The following METTL24 variants were observed in gnomAD, a reference collection of about 807,000 sequenced individuals.
The protein encoded by METTL24 is methyltransferase like 24.
A neutral mutation model predicts 32.7 loss-of-function variants in METTL24; 29 were observed. The observed-to-expected ratio is 0.89, with a 90% CI of 0.66 to 1.21. The LOEUF is 1.21. Among genes scored for constraint, METTL24 ranks in the 50% most tolerant of loss-of-function variants. METTL24 has a pLI of 0.00. For synonymous variants in METTL24, 163 were observed against 179.5 expected, an observed-to-expected ratio of 0.91 and a Z score of 0.73; for missense variants, 439 against 468.1, an observed-to-expected ratio of 0.94 and a Z score of 0.57.
chr6:110,301,879 TC>T (rs1454420298), intron 3 of METTL24, among the ~76,000 whole-genome samples: 1 of 152,168 alleles, frequency 6.6e-6, no homozygotes, highest in African/African-American at 2.4e-5. Context: ...AACTCACCTA[TC>T]CAAAAGGAAT....
intron 4 of METTL24, among the ~76,000 whole-genome samples, chr6:110,295,826 G>GAAGGAAGGAAGGAAGC (rs1369963581): frequency 2.1e-4 from 32 of 151,906 alleles, no homozygotes; most frequent in African/African-American, 6.5e-4. Flanking sequence ...AGGAAGGAAG[G>GAAGGAAGGAAGGAAGC]AAGGAAGGAA....
At chr6:110,265,955 T>C (rs1006979124) in intron 4 of METTL24, among the ~76,000 whole-genome samples, 1 of 151,874 alleles carries the variant, frequency 6.6e-6, no homozygotes, top group Admixed American at 6.6e-5. Context: ...GGCTGGAGTG[T>C]GGTGGTACAG....
intron 1 of METTL24, among the ~76,000 whole-genome samples, chr6:110,323,438 G>A (rs1226149962): frequency 6.6e-6 from 1 of 152,206 alleles, no homozygotes; most frequent in Non-Finnish European, 1.5e-5. Flanking sequence ...CCAGGGCTGG[G>A]GAGGGTGGCT....
intron 1 of METTL24, among the ~76,000 whole-genome samples, chr6:110,342,357 A>G (rs1039717477): frequency 6.6e-6 from 1 of 152,210 alleles, no homozygotes; most frequent in African/African-American, 2.4e-5. Flanking sequence ...AGGCCAAGCC[A>G]AGTGCTACCT....
intron 3 of METTL24, among the ~76,000 whole-genome samples, chr6:110,313,504 C>T (rs543782113): frequency 6.6e-5 from 10 of 152,268 alleles, no homozygotes; most frequent in Admixed American, 1.3e-4. Context: ...CCCCAAACAG[C>T]TTTTTAAGTT....
intron 3 of METTL24, among the ~76,000 whole-genome samples, chr6:110,305,318 T>G (rs1369031444): frequency 3.3e-5 from 5 of 152,012 alleles, no homozygotes; most frequent in Non-Finnish European, 7.4e-5. Context: ...AAAGCCAAAA[T>G]TGACAAATAG....
intron 1 of METTL24, among the ~76,000 whole-genome samples, chr6:110,343,597 A>C (rs746857622): frequency 6.6e-6 from 1 of 152,212 alleles, no homozygotes; most frequent in Non-Finnish European, 1.5e-5. Context: ...AATGACATTT[A>C]TTTGCTAGAG....
chr6:110,315,618 C>A, intron 2 of METTL24, 137 bp from the exon 3 acceptor site: 1 of 827,546 alleles, frequency 1.2e-6, no homozygotes, highest in Non-Finnish European at 1.9e-6. Context: ...ACTCCCCTCC[C>A]CAGGGAACCA....
chr6:110,291,543 A>T (rs186063468), intron 4 of METTL24, among the ~76,000 whole-genome samples: 41 of 152,240 alleles, frequency 2.7e-4, no homozygotes, highest in African/African-American at 9.1e-4. Context: ...CAGATTTTTA[A>T]AAAAAACTTC....
intron 2 of METTL24, among the ~76,000 whole-genome samples, chr6:110,318,320 T>C (rs1313465227): frequency 2.0e-5 from 3 of 152,274 alleles, no homozygotes; most frequent in Non-Finnish European, 2.9e-5. Context: ...TCACTCCCCC[T>C]GATAAGGTCC....
At chr6:110,281,333 C>T (rs1431303421) in intron 4 of METTL24, among the ~76,000 whole-genome samples, 1 of 152,074 alleles carries the variant, frequency 6.6e-6, no homozygotes, top group African/African-American at 2.4e-5. Flanking sequence ...GAATTGAGAC[C>T]TTGCACATCA....
At chr6:110,332,818 AG>A (rs1247796507) in intron 1 of METTL24, among the ~76,000 whole-genome samples, 1 of 151,506 alleles carries the variant, frequency 6.6e-6, no homozygotes, top group Admixed American at 6.6e-5. Context: ...CTGAGGTAGG[AG>A]GATCGCTTGA....
At chr6:110,259,742 C>T (rs943662885) in intron 4 of METTL24, among the ~76,000 whole-genome samples, 16 of 152,178 alleles carry the variant, frequency 1.1e-4, no homozygotes, top group African/African-American at 2.7e-4. Flanking sequence ...ACACCTCACA[C>T]GGCTGGGTAC....
At chr6:110,305,199 T>C (rs1358253463) in intron 3 of METTL24, among the ~76,000 whole-genome samples, 5 of 152,104 alleles carry the variant, frequency 3.3e-5, no homozygotes, top group African/African-American at 1.2e-4. Flanking sequence ...AAGATTTAAA[T>C]ATAAGACCTA....
chr6:110,278,595 G>T (rs1771085800), intron 4 of METTL24, among the ~76,000 whole-genome samples: 1 of 152,144 alleles, frequency 6.6e-6, no homozygotes, highest in African/African-American at 2.4e-5. Context: ...ACCCATAATA[G>T]AAAAACTCTT....
intron 4 of METTL24, among the ~76,000 whole-genome samples, chr6:110,268,796 C>T (rs558022934): frequency 1.3e-5 from 2 of 152,216 alleles, no homozygotes; most frequent in African/African-American, 4.8e-5. Context: ...AATATAATCA[C>T]ATAATAGGAG....
At chr6:110,295,919 C>G (rs888644648) in intron 4 of METTL24, among the ~76,000 whole-genome samples, 12 of 152,154 alleles carry the variant, frequency 7.9e-5, no homozygotes, top group Non-Finnish European at 1.2e-4. Context: ...CTAATTCACA[C>G]CAGGCATTCT....
chr6:110,348,031 CT>C (rs1245880723), intron 1 of METTL24, among the ~76,000 whole-genome samples: 1 of 152,168 alleles, frequency 6.6e-6, no homozygotes, highest in Admixed American at 6.5e-5. Flanking sequence ...GAACATTGGG[CT>C]TTACCCACCA....
At chr6:110,267,268 T>G (rs548469979) in intron 4 of METTL24, among the ~76,000 whole-genome samples, 16 of 152,308 alleles carry the variant, frequency 1.1e-4, no homozygotes, top group African/African-American at 3.4e-4. Context: ...CTAAAGGCCA[T>G]GAAATAAGAA....
Sources: allele counts gnomAD v4.1 joint callset (sites outside exome capture counted in the v4.1 genomes callset), GRCh38; gene constraint gnomAD v4.1.1; transcripts MANE v1.5; gene names NCBI Gene and HGNC (gene_info 2026-07-23, HGNC 2026-07-21).